Variants in CPNE4 observed in about 807,000 individuals in gnomAD.
The protein encoded by CPNE4 is copine 4, also known as copine-4.
Under a neutral mutation model 67.9 loss-of-function variants are expected in CPNE4, and 25 were observed. That is an observed-to-expected ratio of 0.37 (90% CI 0.27 to 0.51). The LOEUF is 0.51. Among genes scored for constraint, CPNE4 ranks in the 20% least tolerant of loss-of-function variants. The pLI, the probability that CPNE4 is intolerant of heterozygous loss-of-function variation, is 0.93. For synonymous variants in CPNE4, 242 were observed against 244.9 expected, an observed-to-expected ratio of 0.99 and a Z score of 0.11; for missense variants, 464 against 690.8, an observed-to-expected ratio of 0.67 and a Z score of 3.68.
intron 2 of CPNE4, among the ~76,000 whole-genome samples, chr3:131,887,017 T>C (rs1008242069): frequency 1.4e-4 from 22 of 152,160 alleles, no homozygotes; most frequent in African/African-American, 5.1e-4. Flanking sequence ...TTTTGAAATG[T>C]GAGGACATGA....
At chr3:131,672,128 A>G (rs1222191509) in intron 6 of CPNE4, among the ~76,000 whole-genome samples, 2 of 152,264 alleles carry the variant, frequency 1.3e-5, no homozygotes, top group Admixed American at 6.5e-5. Flanking sequence ...CTCCAGTTTT[A>G]TCCATGTTGT....
chr3:131,987,336 C>T (rs149425575), intron 1 of CPNE4, among the ~76,000 whole-genome samples: 9 of 150,900 alleles, frequency 6.0e-5, no homozygotes, highest in Admixed American at 4.6e-4. Context: ...AAAATTGACA[C>T]AATAAGTAGT....
chr3:131,770,112 C>T (rs994404232), intron 2 of CPNE4, among the ~76,000 whole-genome samples: 25 of 152,150 alleles, frequency 1.6e-4, no homozygotes, highest in Non-Finnish European at 2.6e-4. Context: ...GTTTTCACAG[C>T]ACAAAATGTA....
intron 1 of CPNE4, among the ~76,000 whole-genome samples, chr3:131,981,598 T>G (rs1254881558): frequency 6.6e-6 from 1 of 152,112 alleles, no homozygotes; most frequent in African/African-American, 2.4e-5. Context: ...CTCCCCCGAG[T>G]TCTGGCCAGA....
At chr3:131,786,841 C>T (rs140314476) in intron 2 of CPNE4, among the ~76,000 whole-genome samples, 274 of 152,240 alleles carry the variant, frequency 1.8e-3, no homozygotes, top group Middle Eastern at 6.8e-3. Flanking sequence ...ACACAGCAAC[C>T]ATTTAGAAAT....
At position 131,802,196 on chromosome 3, in the gene CPNE4, C is replaced by A. The variant is rs903425094; in HGVS notation, c.181-78571G>T. 2.0e-5 allele frequency among the ~76,000 whole-genome samples: 3 copies of A among 152,218 alleles called. No individual in the cohort carries two copies. In the East Asian group the frequency reaches 5.8e-4, roughly 29 times the overall value. On this transcript the variant is annotated intron_variant, in intron 2 of 15. Coordinates refer to ENST00000429747, the MANE Select transcript of CPNE4 (RefSeq NM_130808.3). ...GAGGCCGTAGAAATATGGGAGAGAACAGGGAATGGACTAAGTGAGTAAGTC... is the reference window on the plus strand; with the variant it reads ...GAGGCCGTAGAAATATGGGAGAGAAAAGGGAATGGACTAAGTGAGTAAGTC...
At chr3:131,938,056 GT>G (rs2071275478) in intron 1 of CPNE4, among the ~76,000 whole-genome samples, 1 of 151,996 alleles carries the variant, frequency 6.6e-6, no homozygotes, top group Non-Finnish European at 1.5e-5. Context: ...TTGTAAAAGT[GT>G]TTTTAGAACT....
At chr3:132,032,791 T>A (rs1416393271) in intron 1 of CPNE4, among the ~76,000 whole-genome samples, 4 of 152,182 alleles carry the variant, frequency 2.6e-5, no homozygotes, top group African/African-American at 9.7e-5. Flanking sequence ...TCAGAAGTTA[T>A]CTAATCACAG....
At chr3:131,655,995 G>T (rs918530080) in intron 7 of CPNE4, among the ~76,000 whole-genome samples, 3 of 150,612 alleles carry the variant, frequency 2.0e-5, no homozygotes, top group Non-Finnish European at 4.4e-5. Flanking sequence ...AAGATTTTAG[G>T]CCTCTTTCCC....
intron 1 of CPNE4, among the ~76,000 whole-genome samples, chr3:132,008,774 C>G (rs1312612264): frequency 6.6e-6 from 1 of 151,828 alleles, no homozygotes. Context: ...TAAAAAAATC[C>G]CATAAAAATA....
At chr3:131,973,970 C>G (rs1405156378) in intron 1 of CPNE4, among the ~76,000 whole-genome samples, 1 of 152,132 alleles carries the variant, frequency 6.6e-6, no homozygotes, top group African/African-American at 2.4e-5. Context: ...AAAATGTTAT[C>G]CCAAACTGCA....
At chr3:131,767,310 C>A (rs2083046514) in intron 2 of CPNE4, among the ~76,000 whole-genome samples, 1 of 151,636 alleles carries the variant, frequency 6.6e-6, no homozygotes, top group African/African-American at 2.4e-5. Flanking sequence ...AGGAAAAGAT[C>A]TTTCATCACT....
intron 1 of CPNE4, among the ~76,000 whole-genome samples, chr3:132,005,862 A>T (rs917988804): frequency 1.3e-5 from 2 of 152,128 alleles, no homozygotes; most frequent in South Asian, 2.1e-4. Context: ...AATAAGAAAC[A>T]GTCCTTGCCT....
intron 1 of CPNE4, among the ~76,000 whole-genome samples, chr3:132,016,261 T>C (rs1177801712): frequency 2.0e-5 from 3 of 152,206 alleles, no homozygotes; most frequent in African/African-American, 2.4e-5. Context: ...GAGATATCCA[T>C]TGTGTCAGAC....
At chr3:131,961,212 T>A (rs1054793674) in intron 1 of CPNE4, among the ~76,000 whole-genome samples, 1 of 152,206 alleles carries the variant, frequency 6.6e-6, no homozygotes, top group Non-Finnish European at 1.5e-5. Context: ...AGTAACTCCC[T>A]CATAGAATGA....
intron 7 of CPNE4, among the ~76,000 whole-genome samples, chr3:131,644,001 T>C (rs2079601315): frequency 1.3e-5 from 2 of 152,200 alleles, no homozygotes; most frequent in South Asian, 4.1e-4. Context: ...AGTGGACTAA[T>C]ACAGTGCCCA....
chr3:131,741,390 GC>G (rs2082353036), intron 2 of CPNE4, among the ~76,000 whole-genome samples: 1 of 152,094 alleles, frequency 6.6e-6, no homozygotes, highest in African/African-American at 2.4e-5. Flanking sequence ...CTGAGAATGT[GC>G]TGGGAAAGGA....
intron 2 of CPNE4, among the ~76,000 whole-genome samples, chr3:131,746,022 ATG>A (rs1252236038): frequency 6.6e-6 from 1 of 152,088 alleles, no homozygotes; most frequent in Non-Finnish European, 1.5e-5. Context: ...CGAACATGGC[ATG>A]TGTCTCTATT....
chr3:131,653,337 A>G (rs988640880), intron 7 of CPNE4, among the ~76,000 whole-genome samples: 6 of 151,388 alleles, frequency 4.0e-5, no homozygotes, highest in African/African-American at 4.9e-5. Context: ...TTTAGTACAG[A>G]TGGGGTTTCA....
Sources: allele counts gnomAD v4.1 joint callset (sites outside exome capture counted in the v4.1 genomes callset), GRCh38; gene constraint gnomAD v4.1.1; transcripts MANE v1.5; gene names NCBI Gene and HGNC (gene_info 2026-07-23, HGNC 2026-07-21).